CTBS: variants seen among roughly 807,000 people sequenced by gnomAD.
CTBS encodes di-N-acetylchitobiase.
Under a neutral mutation model 44.3 loss-of-function variants are expected in CTBS, and 35 were observed. The observed-to-expected ratio is 0.79, with a 90% CI of 0.60 to 1.05. CTBS has a LOEUF of 1.05. CTBS is among the 50% of genes least tolerant of loss of function. The probability of loss-of-function intolerance (pLI) is 0.00; values close to 1 mark genes in which losing one functional copy is unlikely to be tolerated. For synonymous variants in CTBS, 143 were observed against 168.0 expected, an observed-to-expected ratio of 0.85 and a Z score of 1.15; for missense variants, 458 against 475.3, an observed-to-expected ratio of 0.96 and a Z score of 0.34.
At chr1:84,569,247 C>T (rs552422816) in intron 3 of CTBS, among the ~76,000 whole-genome samples, 2 of 152,238 alleles carry the variant, frequency 1.3e-5, no homozygotes, top group East Asian at 3.9e-4. Context: ...TTACCCAAAA[C>T]CTTTTGAAAA....
At chr1:84,567,560 T>C (rs917581159) in intron 3 of CTBS, among the ~76,000 whole-genome samples, 2 of 152,178 alleles carry the variant, frequency 1.3e-5, no homozygotes, top group African/African-American at 4.8e-5. Flanking sequence ...TTCCCATCTA[T>C]AAAAATGAGG....
In CTBS at chr1:84,551,092, T is replaced by C; in HGVS notation, c.*3907A>G. On this transcript the variant is annotated 3_prime_UTR_variant, in exon 7 of 7. Transcript: ENST00000370630. ...CTGGGCATGCTCTATTTGGTGAGAATTGTGTACAACTAATTACATCATAGA... is the reference window on the plus strand; with the variant it reads ...CTGGGCATGCTCTATTTGGTGAGAACTGTGTACAACTAATTACATCATAGA... The C allele has an allele frequency of 1.0e-6, 1 of 985,328 alleles. No homozygotes were observed. The highest frequency in any genetic ancestry group is 4.7e-5 in the South Asian group (1 of 21,286). 61.0% of individuals were successfully genotyped at this position (985,328 alleles called of 1,614,324 possible).
In CTBS at chr1:84,554,702, A is replaced by C; in HGVS notation, c.*297T>G. The stretch of plus-strand genomic sequence containing the variant: ...CGTGAGCATATATTTTACTATAATG[A>C]AGGGAAATATGGCATAATAAAATTC... On this transcript the variant is annotated 3_prime_UTR_variant, in exon 7 of 7. Coordinates refer to ENST00000370630, the MANE Select transcript of CTBS (RefSeq NM_004388.3). 4.1e-6 allele frequency: 1 copy of C among 241,930 alleles called. No homozygotes were observed. Among genetic ancestry groups the C allele is most frequent in the Non-Finnish European group, 8.0e-6 (1 of 124,440 alleles). The allele number at this position is 241,930 out of a possible 1,614,324, so 15.0% of individuals were successfully genotyped here.
Position 84,555,095 on chromosome 1 carries a change from C to A in CTBS, c.1062G>T (p.Trp354Cys). Residue 354 changes from tryptophan to cysteine, a missense_variant, in exon 7 of 7, where the codon TGG becomes TGT. By Grantham distance (215) the Trp-to-Cys change is radical. Transcript: ENST00000370630. ...CAGAGTAGTCAAGACAGTTTGCATT[C>A]CACATGCCAATGCCCCGTAAGCGAT... ...QNYRLRGIGM[W>C]NANCLDYSGD... The A allele has an allele frequency of 6.2e-7, 1 of 1,613,904 alleles. No homozygotes were observed. Among genetic ancestry groups the A allele is most frequent in the African/African-American group, 1.3e-5 (1 of 75,014 alleles).
intron 5 of CTBS, 42 bp from the exon 6 acceptor site, chr1:84,563,460 G>A (rs1684632326): frequency 3.6e-6 from 5 of 1,371,208 alleles, no homozygotes; most frequent in Non-Finnish European, 4.8e-6. Context: ...TATCAATTAT[G>A]CAATTCTTAA....
chr1:84,570,519 C>CT (rs1468930074), intron 2 of CTBS, 63 bp downstream of exon 2: 1 of 1,460,184 alleles, frequency 6.8e-7, no homozygotes, highest in African/African-American at 1.4e-5. Flanking sequence ...AAAGTCGGGA[C>CT]TATAGCAAGT....
chr1:84,560,025 A>G (rs1034581580), intron 6 of CTBS, among the ~76,000 whole-genome samples: 4 of 147,200 alleles, frequency 2.7e-5, no homozygotes, highest in Non-Finnish European at 6.0e-5. Flanking sequence ...CAGAGGGTGC[A>G]GTGAACCCAG....
intron 6 of CTBS, among the ~76,000 whole-genome samples, chr1:84,558,284 G>T (rs113789855): frequency 0.062 from 9,227 of 149,506 alleles, 456 homozygotes; most frequent in African/African-American, 0.13. Flanking sequence ...ATTTTTGCCT[G>T]CCATTAAACT....
chr1:84,552,943 G>C lies in CTBS; in HGVS notation c.*2056C>G, dbSNP rs1193745235. The C allele has an allele frequency of 1.0e-5, 8 of 766,784 alleles. No homozygotes were observed. The South Asian group carries it at 1.4e-4, about 13-fold the overall frequency. The allele number at this position is 766,784 out of a possible 1,614,324, so 47.5% of individuals were successfully genotyped here. Reference sequence around the variant, plus strand: ...AGCCAAATGAGAGAAGACAGTTAAAGCGGTTACAAAAACCCTGTTTACATG... The same window carrying C: ...AGCCAAATGAGAGAAGACAGTTAAACCGGTTACAAAAACCCTGTTTACATG... On this transcript the variant is annotated 3_prime_UTR_variant, in exon 7 of 7. Coordinates refer to ENST00000370630, the MANE Select transcript of CTBS (RefSeq NM_004388.3).
intron 6 of CTBS, among the ~76,000 whole-genome samples, chr1:84,555,468 G>GT (rs768706959): frequency 8.5e-5 from 13 of 152,158 alleles, no homozygotes; most frequent in Admixed American, 2.0e-4. Context: ...ATTTATCAGG[G>GT]TATTTCGTTC....
In CTBS at chr1:84,570,620, C is replaced by G. The variant is rs1200429169; in HGVS notation, c.278G>C (p.Cys93Ser). 6.2e-7 allele frequency: 1 copy of G among 1,613,826 alleles called. No individual in the cohort carries two copies. The highest frequency in any genetic ancestry group is 1.1e-5 in the South Asian group (1 of 91,064). Residue 93 changes from cysteine (C) to serine (S), a missense_variant, in exon 2 of 7, where the codon TGC becomes TCC. Transcript: ENST00000370630. Reference sequence around the variant, plus strand: ...TCTGGCTCCTTTTGAATGAGCGTAGCACATAAGTTCTGAGTCATATTTTCC... The same window carrying G: ...TCTGGCTCCTTTTGAATGAGCGTAGGACATAAGTTCTGAGTCATATTTTCC... ...TFGKYDSELM[C>S]YAHSKGARVV...
In CTBS at chr1:84,553,599, G is replaced by C. The variant is rs1202435334; in HGVS notation, c.*1400C>G. On this transcript the variant is annotated 3_prime_UTR_variant, in exon 7 of 7. Coordinates refer to ENST00000370630, the MANE Select transcript of CTBS (RefSeq NM_004388.3). Reference sequence around the variant, plus strand: ...TGAAGTTGCATTCTGAGCTATGATAGAGATAAGCATCTAAGAATTTAAATT... The same window carrying C: ...TGAAGTTGCATTCTGAGCTATGATACAGATAAGCATCTAAGAATTTAAATT... 6.6e-6 allele frequency: 1 copy of C among 152,192 alleles called. No homozygotes were observed. The highest frequency in any genetic ancestry group is 2.4e-5 in the African/African-American group (1 of 41,424). The allele number at this position is 152,192 out of a possible 1,614,324, so 9.4% of individuals were successfully genotyped here.
Position 84,552,757 on chromosome 1 carries a change from TCTCA to T in CTBS, c.*2238_*2241del, listed in dbSNP as rs1684315880. On this transcript the variant is annotated 3_prime_UTR_variant, in exon 7 of 7. Coordinates refer to ENST00000370630, the MANE Select transcript of CTBS (RefSeq NM_004388.3). ...AGTTTAAGCAAAACATAAAATTCTT[TCTCA>T]CTCTAGTTTTTAGAACAGTTCAATT... is the stretch of plus-strand genomic sequence containing the variant. The T allele has an allele frequency of 4.3e-6, 1 of 231,596 alleles. No individual in the cohort carries two copies. The highest frequency in any genetic ancestry group is 8.4e-6 in the Non-Finnish European group (1 of 119,636). The allele number at this position is 231,596 out of a possible 1,614,324, so 14.3% of individuals were successfully genotyped here.
intron 3 of CTBS, among the ~76,000 whole-genome samples, chr1:84,568,565 T>A (rs922547386): frequency 6.6e-6 from 1 of 152,174 alleles, no homozygotes; most frequent in African/African-American, 2.4e-5. Context: ...CCTAGGACAC[T>A]TGGCAAAAAT....
At chr1:84,556,039 A>T (rs1400243482) in intron 6 of CTBS, 3 of 152,332 alleles carry the variant, frequency 2.0e-5, no homozygotes, top group Admixed American at 6.5e-5. Flanking sequence ...ACATTCTCAG[A>T]GTCTGTTAGG....
Position 84,558,272 on chromosome 1 carries a change from T to C in CTBS, c.958-3073A>G, listed in dbSNP as rs117661121. ...TCATCTTCTACACCATAAATACAGA[T>C]AATTTTTGCCTGCCATTAAACTTTT... On this transcript the variant is annotated intron_variant, in intron 6 of 6. Transcript: ENST00000370630. 8.0e-3 allele frequency among the ~76,000 whole-genome samples: 1,219 copies of C among 151,658 alleles called. 56 individuals are homozygous for C. The East Asian group carries it at 0.13, about 16-fold the overall frequency.
chr1:84,557,831 G>A lies in CTBS; in HGVS notation c.958-2632C>T, dbSNP rs190050945. ...CAAGATCGCGCCACTGCACACCAGC[G>A]TGGGCGACATAGTGAGACTCCATCT... On this transcript the variant is annotated intron_variant, in intron 6 of 6. Transcript: ENST00000370630. Among the ~76,000 whole-genome samples the A allele has an allele frequency of 3.3e-5, 5 of 150,306 alleles. No homozygotes were observed. The East Asian group carries it at 5.9e-4, about 18-fold the overall frequency.
At chr1:84,564,718 G>A (rs759870386) in intron 4 of CTBS, among the ~76,000 whole-genome samples, 4 of 152,076 alleles carry the variant, frequency 2.6e-5, no homozygotes, top group South Asian at 2.1e-4. Context: ...TAATTACTTC[G>A]TAATTTTAAC....
rs1000185189 is a variant in CTBS, at chr1:84,549,896, C to A, written c.*5103G>T. 12 of 150,878 alleles carry A rather than the reference C, an allele frequency of 8.0e-5. No individual in the cohort carries two copies. The highest frequency in any genetic ancestry group is 2.9e-4 in the African/African-American group (12 of 41,040). The allele number at this position is 150,878 out of a possible 1,614,324, so 9.3% of individuals were successfully genotyped here. A position where few individuals can be genotyped will look rare whatever the true frequency, so the allele number is the denominator to read the frequency against. On this transcript the variant is annotated 3_prime_UTR_variant, in exon 7 of 7. Coordinates refer to ENST00000370630, the MANE Select transcript of CTBS (RefSeq NM_004388.3). The stretch of plus-strand genomic sequence containing the variant: ...ACTTTTTTTTTTAGCATAGCTTATA[C>A]TTTATCTTACTGTTTAATCAGTTCA...
Sources: gnomAD v4.1 joint callset for allele counts (sites outside exome capture counted in the v4.1 genomes callset) on GRCh38, gnomAD v4.1.1 for gene constraint, MANE v1.5 for transcripts, NCBI Gene and HGNC (gene_info 2026-07-23, HGNC 2026-07-21) for gene names.